The following INPP5F variants were observed in gnomAD, a reference collection of about 807,000 sequenced individuals.
The protein encoded by INPP5F is inositol polyphosphate-5-phosphatase F.
Under a neutral mutation model 137.2 loss-of-function variants are expected in INPP5F, and 97 were observed. The observed-to-expected ratio is 0.71, with a 90% CI of 0.60 to 0.84. INPP5F has a LOEUF of 0.84. Ranked by LOEUF, INPP5F falls within the 40% of genes least tolerant of loss-of-function variation. The probability of loss-of-function intolerance (pLI) is 0.00; values close to 1 mark genes in which losing one functional copy is unlikely to be tolerated. For synonymous variants in INPP5F, 504 were observed against 476.9 expected (o/e 1.06, Z -0.74); for missense variants, 1,271 against 1,371.9 (o/e 0.93, Z 1.16).
intron 7 of INPP5F, 64 bp downstream of exon 7, chr10:119,796,977 T>A: frequency 7.2e-7 from 1 of 1,389,868 alleles, no homozygotes. Flanking sequence ...GCTGCAGATG[T>A]GTTGAAATGC....
intron 1 of INPP5F, among the ~76,000 whole-genome samples, chr10:119,733,529 A>G (rs1848144847): frequency 6.6e-6 from 1 of 152,190 alleles, no homozygotes; most frequent in Non-Finnish European, 1.5e-5. Context: ...CCTAGATCCA[A>G]TTTCATAGAC....
chr10:119,730,120 C>T (rs570721598), intron 1 of INPP5F, among the ~76,000 whole-genome samples: 131 of 149,790 alleles, frequency 8.7e-4, no homozygotes, highest in Middle Eastern at 6.8e-3. Context: ...TTTTTTCTTT[C>T]TTTTTTGAGA....
intron 6 of INPP5F, among the ~76,000 whole-genome samples, chr10:119,796,072 G>A: frequency 6.8e-6 from 1 of 146,288 alleles, no homozygotes; most frequent in Non-Finnish European, 1.5e-5. Flanking sequence ...ACCGTGGGGA[G>A]AGGGAGAGGG....
intron 3 of INPP5F, among the ~76,000 whole-genome samples, chr10:119,788,779 A>G (rs1415881439): frequency 6.6e-6 from 1 of 152,242 alleles, no homozygotes; most frequent in Admixed American, 6.5e-5. Context: ...TCCTAATCCC[A>G]GAAACTAACC....
At chr10:119,744,847 C>T (rs1848483270) in intron 1 of INPP5F, among the ~76,000 whole-genome samples, 1 of 152,210 alleles carries the variant, frequency 6.6e-6, no homozygotes, top group East Asian at 1.9e-4. Flanking sequence ...AGCCTAGTCC[C>T]TCCTCTCGTT....
In INPP5F at chr10:119,826,951, C is replaced by G. The variant is rs752928260; in HGVS notation, c.2570C>G (p.Ser857Ter). 1.2e-6 allele frequency: 2 copies of G among 1,613,918 alleles called. No homozygotes were observed. ...SDGDMSSDND[S>*]YHSDEFLTNS... ...GGGGACATGTCTTCAGATAATGACT[C>G]ATACCACTCTGATGAATTCCTTACA... The change falls in exon 20 of 20, where the codon TCA becomes TGA. Residue 857 changes from serine to a stop codon, truncating the protein, a stop_gained. Coordinates refer to ENST00000650623, the MANE Select transcript of INPP5F (RefSeq NM_014937.4). LOFTEE classifies it high-confidence loss of function.
Position 119,797,607 on chromosome 10 carries a change from T to C in INPP5F, c.1015T>C (p.Tyr339His). ...GCCTGTCTTTTGGAGCCAGGTTGGGTATCGATATAACCCAAGACCGCGGCT... is the reference window on the plus strand; with the variant it reads ...GCCTGTCTTTTGGAGCCAGGTTGGGCATCGATATAACCCAAGACCGCGGCT... Reference protein sequence around the residue: ...SVPVFWSQVGYRYNPRPRLDR... With the variant: ...SVPVFWSQVGHRYNPRPRLDR... Residue 339 changes from tyrosine to histidine, a missense_variant, in exon 8 of 20, where the codon TAT (tyrosine) becomes CAT (histidine). This residue lies in a region of INPP5F where 593 missense variants were observed against 712.4 expected (regional missense o/e 0.83). Coordinates refer to ENST00000650623, the MANE Select transcript of INPP5F (RefSeq NM_014937.4). 3 of 1,613,306 alleles carry C rather than the reference T, an allele frequency of 1.9e-6. No individual in the cohort carries two copies. Among genetic ancestry groups the C allele is most frequent in the Non-Finnish European group, 2.5e-6 (3 of 1,179,638 alleles).
At chr10:119,742,041 G>A (rs1411163482) in intron 1 of INPP5F, among the ~76,000 whole-genome samples, 4 of 152,080 alleles carry the variant, frequency 2.6e-5, no homozygotes, top group Non-Finnish European at 4.4e-5. Flanking sequence ...GACTGGTCTC[G>A]AACTCCTGGC....
At chr10:119,806,536 A>G (rs1850796168) in intron 12 of INPP5F, 56 bp downstream of exon 12, 1 of 1,478,250 alleles carries the variant, frequency 6.8e-7, no homozygotes, top group African/African-American at 1.4e-5. Flanking sequence ...TTTTTTTTCC[A>G]TGAGTAAGCA....
intron 1 of INPP5F, among the ~76,000 whole-genome samples, chr10:119,737,935 T>TA (rs1376999142): frequency 6.6e-6 from 1 of 152,170 alleles, no homozygotes; most frequent in Non-Finnish European, 1.5e-5. Context: ...AAAGTGCCTA[T>TA]AGGCTTCAGC....
intron 16 of INPP5F, 45 bp from the exon 17 acceptor site, chr10:119,822,386 G>T: frequency 9.2e-7 from 1 of 1,084,250 alleles, no homozygotes; most frequent in Non-Finnish European, 1.3e-6. Context: ...AGCCAAATAT[G>T]CTTTTGATTT....
intron 1 of INPP5F, among the ~76,000 whole-genome samples, chr10:119,728,371 A>C (rs1011050350): frequency 3.3e-5 from 5 of 152,228 alleles, no homozygotes; most frequent in African/African-American, 4.8e-5. Flanking sequence ...GCTATTTAAG[A>C]ATGGCATTTT....
intron 9 of INPP5F, among the ~76,000 whole-genome samples, chr10:119,801,489 A>G (rs1016020010): frequency 6.6e-6 from 1 of 152,236 alleles, no homozygotes; most frequent in African/African-American, 2.4e-5. Flanking sequence ...CTTATTTTAC[A>G]TTTGAATTTG....
At chr10:119,796,500 G>A (rs1231670601) in intron 6 of INPP5F, among the ~76,000 whole-genome samples, 1 of 152,196 alleles carries the variant, frequency 6.6e-6, no homozygotes, top group Admixed American at 6.5e-5. Context: ...TACCCAGGCA[G>A]CCTGGCTCTT....
Position 119,794,331 on chromosome 10 carries a change from G to A in INPP5F, c.669+2118G>A, listed in dbSNP as rs541470649. 2.2e-3 allele frequency among the ~76,000 whole-genome samples: 331 copies of A among 152,158 alleles called. 2 individuals carry two copies. The highest frequency in any genetic ancestry group is 7.6e-3 in the African/African-American group (316 of 41,512). On this transcript the variant is annotated intron_variant, in intron 6 of 19. Coordinates refer to ENST00000650623, the MANE Select transcript of INPP5F (RefSeq NM_014937.4). ...CACATGTTTCAGAGAGCACAGGGTT[G>A]GGGGGTAAGGTCACAGATCAACAGG...
chr10:119,810,371 A>G (rs1850980956), intron 14 of INPP5F, among the ~76,000 whole-genome samples, 154 bp downstream of exon 14: 1 of 152,346 alleles, frequency 6.6e-6, no homozygotes, highest in East Asian at 1.9e-4. Flanking sequence ...TCAAATTTTT[A>G]CAAGATTAGA....
At chr10:119,743,362 T>C (rs1345370393) in intron 1 of INPP5F, among the ~76,000 whole-genome samples, 1 of 152,304 alleles carries the variant, frequency 6.6e-6, no homozygotes, top group Admixed American at 6.5e-5. Flanking sequence ...TAAGTGAGCT[T>C]CCTCTTCCTC....
intron 2 of INPP5F, among the ~76,000 whole-genome samples, chr10:119,769,559 G>A (rs916004816): frequency 2.0e-5 from 3 of 152,154 alleles, no homozygotes; most frequent in African/African-American, 4.8e-5. Flanking sequence ...TTGGTGGACC[G>A]AGTAAAGAAG....
At chr10:119,786,977 T>G (rs1849942369) in intron 3 of INPP5F, among the ~76,000 whole-genome samples, 1 of 152,204 alleles carries the variant, frequency 6.6e-6, no homozygotes, top group African/African-American at 2.4e-5. Context: ...TCAAGTTTTT[T>G]GGGGTTTTCA....
Sources: allele counts gnomAD v4.1 joint callset (sites outside exome capture counted in the v4.1 genomes callset), GRCh38; gene constraint gnomAD v4.1.1; regional missense constraint gnomAD v4.1.1; transcripts MANE v1.5; gene names NCBI Gene and HGNC (gene_info 2026-07-23, HGNC 2026-07-21).